XXYLT1: variants seen among roughly 807,000 people sequenced by gnomAD.
XXYLT1 encodes the protein UDP-xylose:alpha-xyloside alpha-1,3-xylosyltransferase.
In XXYLT1, 20 loss-of-function variants were observed where a neutral mutation model predicts 28.9. The ratio of observed to expected loss-of-function variants is 0.69; its 90% CI spans 0.49 to 1.00. XXYLT1 has a LOEUF of 1.00. XXYLT1 is among the 50% of genes least tolerant of loss of function. The pLI is 0.00. For missense variants in XXYLT1, 542 were observed against 560.1 expected (o/e 0.97, Z 0.33); for synonymous variants, 257 against 253.8 (o/e 1.01, Z -0.12).
chr3:195,143,573 A>G (rs1274468233), intron 3 of XXYLT1, among the ~76,000 whole-genome samples: 2 of 151,954 alleles, frequency 1.3e-5, no homozygotes, highest in Non-Finnish European at 2.9e-5. Flanking sequence ...AGGGTTTTCA[A>G]TCAACTGCTT....
At chr3:195,202,404 CAAA>C (rs552172950) in intron 2 of XXYLT1, among the ~76,000 whole-genome samples, 1 of 56,094 alleles carries the variant, frequency 1.8e-5, no homozygotes, top group Non-Finnish European at 4.3e-5. Context: ...GGTCCCTGGC[CAAA>C]AAAAAAAAAA....
chr3:195,210,901 C>T lies in XXYLT1; in HGVS notation c.652+15808G>A, dbSNP rs566057000. Among the ~76,000 whole-genome samples the T allele has an allele frequency of 6.6e-6, 1 of 152,308 alleles. No individual in the cohort carries two copies. The highest frequency in any genetic ancestry group is 1.9e-4 in the East Asian group (1 of 5,184). On this transcript the variant is annotated intron_variant, in intron 2 of 3. Coordinates refer to ENST00000310380, the MANE Select transcript of XXYLT1 (RefSeq NM_152531.5). This position sits in a 1 kb window ranked among gnomAD's most constrained non-coding sequence, Gnocchi z 4.8. ...CAAGAACCCCTGCTCCTCCCCCCAG[C>T]TGAACGCTGACAGTCAAGGGCAGCA...
chr3:195,137,994 G>A (rs1408500488), intron 3 of XXYLT1, among the ~76,000 whole-genome samples: 2 of 152,164 alleles, frequency 1.3e-5, no homozygotes, highest in Non-Finnish European at 2.9e-5. Flanking sequence ...CCCATATGCT[G>A]GGTGTCTCCC....
At chr3:195,090,319 C>T (rs1374039404) in intron 3 of XXYLT1, among the ~76,000 whole-genome samples, 1 of 151,502 alleles carries the variant, frequency 6.6e-6, no homozygotes, top group Non-Finnish European at 1.5e-5. Context: ...GAAATTATAA[C>T]AAACTATCTC....
intron 2 of XXYLT1, among the ~76,000 whole-genome samples, chr3:195,206,785 C>A (rs1001739340): frequency 4.6e-5 from 7 of 151,742 alleles, no homozygotes; most frequent in African/African-American, 1.7e-4. Context: ...AAGTACTTTT[C>A]TGTTAGAGAG....
chr3:195,252,715 C>CAGAGAGAGAGAG (rs1345883267), intron 1 of XXYLT1, among the ~76,000 whole-genome samples: 141 of 141,692 alleles, frequency 1.0e-3, no homozygotes, highest in African/African-American at 4.1e-3. Context: ...CACACACACA[C>CAGAGAGAGAGAG]ACACACACAC....
At chr3:195,143,857 TATATATAGATATAGATATATATA>T (rs1719671760) in intron 3 of XXYLT1, among the ~76,000 whole-genome samples, 1 of 97,034 alleles carries the variant, frequency 1.0e-5, no homozygotes, top group African/African-American at 4.3e-5. Context: ...TATATATAGA[TATATATAGATATAGATATATATA>T]TATATATATT....
chr3:195,137,903 A>G (rs1719283642), intron 3 of XXYLT1, among the ~76,000 whole-genome samples: 1 of 152,186 alleles, frequency 6.6e-6, no homozygotes, highest in South Asian at 2.1e-4. Context: ...GCTTTATCAG[A>G]CACACCCTTT....
rs1342454043 is a variant in XXYLT1 at position 195,078,877 on chromosome 3, C to T, written c.786-8766G>A. Among the ~76,000 whole-genome samples the T allele has an allele frequency of 1.3e-5, 2 of 152,194 alleles. No individual in the cohort carries two copies. Among genetic ancestry groups the T allele is most frequent in the Non-Finnish European group, 2.9e-5 (2 of 68,032 alleles). On this transcript the variant is annotated intron_variant, in intron 3 of 3. Coordinates refer to ENST00000310380, the MANE Select transcript of XXYLT1 (RefSeq NM_152531.5). This position sits in a 1 kb window ranked among gnomAD's most constrained non-coding sequence, Gnocchi z 5.0. The stretch of plus-strand genomic sequence containing the variant: ...CTCAAGAATTCCAAATGCTGATGGC[C>T]CTTCCCTTCACCTTGACCACAGTGT...
chr3:195,098,488 G>A (rs1716581416), intron 3 of XXYLT1, among the ~76,000 whole-genome samples: 1 of 152,230 alleles, frequency 6.6e-6, no homozygotes, highest in South Asian at 2.1e-4. Context: ...GGGAGGCGGA[G>A]CTTGCAGTGA....
intron 2 of XXYLT1, among the ~76,000 whole-genome samples, chr3:195,185,719 G>C (rs2108744717): frequency 6.9e-6 from 1 of 144,806 alleles, no homozygotes. Context: ...GGACACAATG[G>C]GGACGGCATC....
intron 3 of XXYLT1, among the ~76,000 whole-genome samples, chr3:195,080,347 T>C (rs368005999): frequency 2.2e-4 from 33 of 152,122 alleles, no homozygotes; most frequent in African/African-American, 7.2e-4. Flanking sequence ...CTGGGGCTTG[T>C]AGAGGGAGCA....
chr3:195,213,064 C>G (rs1045781056), intron 2 of XXYLT1, among the ~76,000 whole-genome samples: 4 of 152,208 alleles, frequency 2.6e-5, no homozygotes, highest in African/African-American at 9.6e-5. Flanking sequence ...TATTTCAAAT[C>G]TGGAAGTACA....
chr3:195,073,243 G>A (rs913643416), intron 3 of XXYLT1, among the ~76,000 whole-genome samples: 1 of 152,202 alleles, frequency 6.6e-6, no homozygotes, highest in African/African-American at 2.4e-5. Flanking sequence ...GAGGCCAGGG[G>A]ACAGGGTGAT....
At chr3:195,215,757 G>T (rs918101349) in intron 2 of XXYLT1, among the ~76,000 whole-genome samples, 1 of 152,222 alleles carries the variant, frequency 6.6e-6, no homozygotes, top group African/African-American at 2.4e-5. Flanking sequence ...ACATTAGACA[G>T]ATCAAAGAGA....
chr3:195,254,924 A>T (rs1381048686), intron 1 of XXYLT1, among the ~76,000 whole-genome samples: 1 of 152,164 alleles, frequency 6.6e-6, no homozygotes, highest in Non-Finnish European at 1.5e-5. Context: ...TCCCAGAAAG[A>T]TGAGGTAGAG....
At chr3:195,244,761 C>CAA (rs869207427) in intron 1 of XXYLT1, among the ~76,000 whole-genome samples, 1,858 of 26,488 alleles carry the variant, frequency 0.07, 115 homozygotes, top group East Asian at 0.091. Context: ...GACTCTGTCT[C>CAA]AAAAAAAAAA....
chr3:195,261,083 T>G (rs754802953), intron 1 of XXYLT1, among the ~76,000 whole-genome samples: 46 of 152,330 alleles, frequency 3.0e-4, no homozygotes, highest in East Asian at 3.9e-4. Flanking sequence ...ATGCCACACC[T>G]CTTTCCCCAG....
rs1426636425 is a variant in XXYLT1, at chr3:195,068,935, G to A, written c.*780C>T. 1.3e-5 allele frequency: 2 copies of A among 152,242 alleles called. No individual in the cohort carries two copies. The highest frequency in any genetic ancestry group is 4.8e-5 in the African/African-American group (2 of 41,524). 9.4% of individuals were successfully genotyped at this position (152,242 alleles called of 1,614,324 possible). A position where few individuals can be genotyped will look rare whatever the true frequency, so the allele number is the denominator to read the frequency against. On this transcript the variant is annotated 3_prime_UTR_variant, in exon 4 of 4. Transcript: ENST00000310380. Reference sequence around the variant, plus strand: ...CCCGACAGTTCTCCTGCATGTCCTTGTGGTGGCCAGTCTCTGTTCTTTGAT... The same window carrying A: ...CCCGACAGTTCTCCTGCATGTCCTTATGGTGGCCAGTCTCTGTTCTTTGAT...
Sources: allele counts gnomAD v4.1 joint callset (sites outside exome capture counted in the v4.1 genomes callset), GRCh38; gene constraint gnomAD v4.1.1; non-coding constraint Gnocchi (gnomAD v3.1); transcripts MANE v1.5; gene names NCBI Gene and HGNC (gene_info 2026-07-23, HGNC 2026-07-21).